Variants in PTK2B observed in about 807,000 individuals in gnomAD.
The protein encoded by PTK2B is protein-tyrosine kinase 2-beta.
PTK2B carries 71 observed loss-of-function variants against 142.9 expected under a neutral mutation model. The ratio of observed to expected loss-of-function variants is 0.50; its 90% CI spans 0.41 to 0.61. The LOEUF (loss-of-function observed/expected upper bound fraction) is 0.61, where lower values mean the gene tolerates loss of function less well. Among genes scored for constraint, PTK2B ranks in the 20% least tolerant of loss-of-function variants. The pLI is 0.00. For synonymous variants in PTK2B, 519 were observed against 503.4 expected (o/e 1.03, Z -0.42); for missense variants, 1,105 against 1,320.4 (o/e 0.84, Z 2.53).
chr8:27,411,437 G>A (rs1052150634), intron 2 of PTK2B, among the ~76,000 whole-genome samples: 2 of 152,140 alleles, frequency 1.3e-5, no homozygotes, highest in Non-Finnish European at 2.9e-5. Context: ...AGCTCCTTGA[G>A]GCAAGGGCCT....
At chr8:27,431,113 A>G (rs1269612045) in intron 8 of PTK2B, 97 bp downstream of exon 8, 1 of 1,523,766 alleles carries the variant, frequency 6.6e-7, no homozygotes, top group Non-Finnish European at 8.9e-7. Context: ...CAATCGCTGC[A>G]GATTCTCACT....
chr8:27,387,923 G>T (rs74771847), intron 1 of PTK2B, among the ~76,000 whole-genome samples: 14 of 151,544 alleles, frequency 9.2e-5, no homozygotes, highest in African/African-American at 2.9e-4. Flanking sequence ...AGGATTTCAA[G>T]AACTTTTTTT....
At chr8:27,426,199 G>C (rs1195678136) in intron 5 of PTK2B, among the ~76,000 whole-genome samples, 1 of 152,246 alleles carries the variant, frequency 6.6e-6, no homozygotes, top group Non-Finnish European at 1.5e-5. Flanking sequence ...TTGGTTTGTA[G>C]TTAATTTCTA....
At chr8:27,377,675 C>G (rs190794654) in intron 1 of PTK2B, among the ~76,000 whole-genome samples, 2 of 152,322 alleles carry the variant, frequency 1.3e-5, no homozygotes, top group Admixed American at 6.5e-5. Flanking sequence ...ACACTGTGAG[C>G]TCTCTGTCAC....
At position 27,458,741 on chromosome 8, in the gene PTK2B, C is replaced by T. The variant is rs1049242863; in HGVS notation, c.*232C>T. 1.9e-5 allele frequency: 11 copies of T among 578,570 alleles called. 1 individual carries two copies. The highest frequency in any genetic ancestry group is 1.3e-4 in the African/African-American group (7 of 53,608). The allele number at this position is 578,570 out of a possible 1,614,324, so 35.8% of individuals were successfully genotyped here. ...CACAGGGTGACGGTGACAAAGATGGCTCAGAGGGGGACTGCTGCTGCCTGG... is the reference window on the plus strand; with the variant it reads ...CACAGGGTGACGGTGACAAAGATGGTTCAGAGGGGGACTGCTGCTGCCTGG... On this transcript the variant is annotated 3_prime_UTR_variant, in exon 31 of 31. Transcript: ENST00000346049.
In PTK2B at chr8:27,372,004, G is replaced by A. The variant is rs535890058; in HGVS notation, c.-37-25544G>A. ...GGGACACTCATATGTTCTGCAAGGG[G>A]AACAGGGTGTTATGTGGATTGCATA... On this transcript the variant is annotated intron_variant, in intron 1 of 30. Transcript: ENST00000346049. 1.1e-4 allele frequency among the ~76,000 whole-genome samples: 16 copies of A among 152,316 alleles called. No homozygotes were observed. In the East Asian group the frequency reaches 3.1e-3, roughly 29 times the overall value.
At chr8:27,437,648 C>A in intron 17 of PTK2B, 117 bp from the exon 18 acceptor site, 2 of 1,253,362 alleles carry the variant, frequency 1.6e-6, no homozygotes, top group Non-Finnish European at 2.2e-6. Context: ...ATTTTGCCAG[C>A]TTTGGGTTTG....
chr8:27,432,557 G>A (rs1032243554), intron 10 of PTK2B, among the ~76,000 whole-genome samples, 196 bp downstream of exon 10: 3 of 152,098 alleles, frequency 2.0e-5, no homozygotes, highest in Admixed American at 6.5e-5. Flanking sequence ...AGGAAAATTC[G>A]GGAAACAATT....
intron 27 of PTK2B, chr8:27,451,902 G>C (rs1028807116): frequency 6.4e-5 from 29 of 453,942 alleles, no homozygotes; most frequent in Non-Finnish European, 8.5e-5. Context: ...CTGAGGGACA[G>C]AGGAGAGAAA....
chr8:27,421,634 A>G (rs1444799080), intron 4 of PTK2B, among the ~76,000 whole-genome samples: 1 of 152,242 alleles, frequency 6.6e-6, no homozygotes, highest in African/African-American at 2.4e-5. Flanking sequence ...CCATTATTTC[A>G]TTCATTTTTA....
intron 1 of PTK2B, among the ~76,000 whole-genome samples, chr8:27,372,701 G>A (rs926351850): frequency 6.6e-6 from 1 of 152,130 alleles, no homozygotes; most frequent in African/African-American, 2.4e-5. Flanking sequence ...CATCATAGTT[G>A]AGATAGCCTA....
intron 1 of PTK2B, among the ~76,000 whole-genome samples, chr8:27,340,570 T>C (rs1195610491): frequency 6.6e-6 from 1 of 152,170 alleles, no homozygotes; most frequent in African/African-American, 2.4e-5. Context: ...ATAGGATAGA[T>C]AGGATAGGAT....
intron 5 of PTK2B, among the ~76,000 whole-genome samples, chr8:27,426,253 T>C (rs1172796644): frequency 3.9e-5 from 6 of 152,262 alleles, no homozygotes; most frequent in Admixed American, 3.9e-4. Flanking sequence ...TTTGGTTTAG[T>C]TATTTCCTTA....
upstream of PTK2B, among the ~76,000 whole-genome samples, chr8:27,322,198 C>T (rs1274096956): frequency 6.6e-6 from 1 of 151,960 alleles, no homozygotes; most frequent in Non-Finnish European, 1.5e-5. Flanking sequence ...ATACTTATAA[C>T]CATACTGTTC....
At chr8:27,420,160 C>A in intron 3 of PTK2B, 87 bp downstream of exon 3, 1 of 1,482,630 alleles carries the variant, frequency 6.7e-7, no homozygotes, top group Non-Finnish European at 9.2e-7. Context: ...TAGAGCACTC[C>A]CCTGCCTCAG....
intron 1 of PTK2B, among the ~76,000 whole-genome samples, chr8:27,391,897 C>T (rs977695475): frequency 5.9e-5 from 9 of 152,154 alleles, no homozygotes; most frequent in Non-Finnish European, 8.8e-5. Flanking sequence ...GGAGGCAAAC[C>T]GAAGCCCAGG....
rs779720605 is a variant in PTK2B, at chr8:27,439,366, G to A, written c.1802G>A (p.Arg601His). ...TCCCCAGAGTCCATTAACTTCCGACGCTTCACGACAGCCAGTGACGTCTGG... is the reference window on the plus strand; with the variant it reads ...TCCCCAGAGTCCATTAACTTCCGACACTTCACGACAGCCAGTGACGTCTGG... ...WMSPESINFR[R>H]FTTASDVWMF... The change falls in exon 20 of 31, where the codon CGC becomes CAC. Residue 601 changes from arginine (R) to histidine (H), a missense_variant. By Grantham distance (29) the Arg-to-His change is conservative (BLOSUM62 0). Coordinates refer to ENST00000346049, the MANE Select transcript of PTK2B (RefSeq NM_173176.3). The A allele has an allele frequency of 8.1e-6, 13 of 1,614,032 alleles. No homozygotes were observed. The highest frequency in any genetic ancestry group is 1.0e-5 in the Non-Finnish European group (12 of 1,179,936).
At chr8:27,375,764 A>G (rs1046006562) in intron 1 of PTK2B, among the ~76,000 whole-genome samples, 1 of 152,092 alleles carries the variant, frequency 6.6e-6, no homozygotes, top group Non-Finnish European at 1.5e-5. Context: ...GCCCCCAGCT[A>G]TATAGAAGCG....
intron 24 of PTK2B, among the ~76,000 whole-genome samples, chr8:27,448,132 G>A (rs1156575806): frequency 6.6e-6 from 1 of 152,218 alleles, no homozygotes; most frequent in Non-Finnish European, 1.5e-5. Flanking sequence ...GTGGACAGGA[G>A]GAAACTGAGA....
Sources: allele counts gnomAD v4.1 joint callset (sites outside exome capture counted in the v4.1 genomes callset), GRCh38; gene constraint gnomAD v4.1.1; transcripts MANE v1.5; gene names NCBI Gene and HGNC (gene_info 2026-07-23, HGNC 2026-07-21).